The following PIEZO2 variants were observed in gnomAD, a reference collection of about 807,000 sequenced individuals.
The protein encoded by PIEZO2 is piezo-type mechanosensitive ion channel component 2.
A neutral mutation model predicts 337.3 loss-of-function variants in PIEZO2; 172 were observed. The observed-to-expected ratio is 0.51, with a 90% CI of 0.45 to 0.58. PIEZO2 has a LOEUF of 0.58. Ranked by LOEUF, PIEZO2 falls within the 20% of genes least tolerant of loss-of-function variation. The pLI, the probability that PIEZO2 is intolerant of heterozygous loss-of-function variation, is 0.00. For missense variants in PIEZO2, 3,028 were observed against 3,391.3 expected (o/e 0.89, Z 2.66); for synonymous variants, 1,251 against 1,228.5 (o/e 1.02, Z -0.38).
chr18:11,000,590 G>A (rs1303950695), intron 2 of PIEZO2, among the ~76,000 whole-genome samples: 2 of 152,080 alleles, frequency 1.3e-5, no homozygotes, highest in Non-Finnish European at 2.9e-5. Context: ...TCATGAGCAG[G>A]GCTCATTGCT....
intron 23 of PIEZO2, among the ~76,000 whole-genome samples, chr18:10,762,295 G>C (rs754767768): frequency 5.3e-5 from 8 of 152,134 alleles, no homozygotes; most frequent in Admixed American, 1.3e-4. Flanking sequence ...CTTTATTCAA[G>C]CAATCTCAGA....
intron 32 of PIEZO2, among the ~76,000 whole-genome samples, chr18:10,742,032 G>A (rs1015511232): frequency 2.0e-5 from 3 of 152,154 alleles, no homozygotes; most frequent in African/African-American, 7.2e-5. Context: ...GCGGGCACCT[G>A]TAGTCCCAGC....
intron 5 of PIEZO2, among the ~76,000 whole-genome samples, chr18:10,858,929 C>T (rs1376468324): frequency 6.6e-6 from 1 of 152,180 alleles, no homozygotes; most frequent in African/African-American, 2.4e-5. Context: ...ATCTCATGCT[C>T]AATCAATAAG....
At chr18:11,000,298 C>T (rs1188416467) in intron 2 of PIEZO2, among the ~76,000 whole-genome samples, 1 of 152,186 alleles carries the variant, frequency 6.6e-6, no homozygotes, top group Non-Finnish European at 1.5e-5. Context: ...TTTTCTATTT[C>T]CAATTTTGTA....
At chr18:10,986,163 C>T (rs774460535) in intron 2 of PIEZO2, among the ~76,000 whole-genome samples, 17 of 151,910 alleles carry the variant, frequency 1.1e-4, no homozygotes, top group African/African-American at 1.7e-4. Flanking sequence ...TATTTAAAGA[C>T]GGACTAACAG....
intron 30 of PIEZO2, 27 bp from the exon 31 acceptor site, chr18:10,744,258 A>C: frequency 1.5e-6 from 2 of 1,370,466 alleles, no homozygotes; most frequent in Non-Finnish European, 2.0e-6. Context: ...AACATGAACA[A>C]GTCAATATTC....
chr18:10,940,639 G>T lies in PIEZO2; in HGVS notation c.287-29411C>A, dbSNP rs916373681. Among the ~76,000 whole-genome samples the T allele has an allele frequency of 2.6e-5, 4 of 152,172 alleles. No individual in the cohort carries two copies. The highest frequency in any genetic ancestry group is 9.7e-5 in the African/African-American group (4 of 41,440). On this transcript the variant is annotated intron_variant, in intron 3 of 55. Transcript: ENST00000674853. This position sits in a 1 kb window ranked among gnomAD's most constrained non-coding sequence, Gnocchi z 5.3. ...AACACTTCGAGAGGCCCAGGCGGGC[G>T]GCTCACAAGGCCAAGTGATTGAGAC...
chr18:10,742,641 T>G, intron 31 of PIEZO2, 26 bp from the exon 32 acceptor site: 1 of 1,535,966 alleles, frequency 6.5e-7, no homozygotes, highest in Admixed American at 2.0e-5. Flanking sequence ...ACATTAGTAA[T>G]GCCAAGAACA....
At chr18:10,890,487 C>A (rs2042723873) in intron 4 of PIEZO2, 1 of 152,262 alleles carries the variant, frequency 6.6e-6, no homozygotes, top group South Asian at 2.1e-4. Flanking sequence ...TACAGTTCAG[C>A]ATGGCTGGGG....
chr18:10,684,223 T>G (rs1256777910), intron 49 of PIEZO2, among the ~76,000 whole-genome samples: 3 of 124,918 alleles, frequency 2.4e-5, no homozygotes, highest in Non-Finnish European at 4.8e-5. Context: ...TGGAGTGCAG[T>G]GGCGCGATCT....
At chr18:10,711,914 GATATAT>G (rs1217915827) in intron 39 of PIEZO2, among the ~76,000 whole-genome samples, 1 of 152,150 alleles carries the variant, frequency 6.6e-6, no homozygotes, top group Non-Finnish European at 1.5e-5. Context: ...GTCCATATTG[GATATAT>G]ACAGAGCAGT....
intron 2 of PIEZO2, among the ~76,000 whole-genome samples, chr18:10,986,297 G>A (rs1172714325): frequency 1.3e-5 from 2 of 151,808 alleles, no homozygotes; most frequent in Non-Finnish European, 2.9e-5. Context: ...GAAAATTACA[G>A]GCCAATATCC....
chr18:11,063,634 T>A (rs1167080808), intron 2 of PIEZO2, among the ~76,000 whole-genome samples: 1 of 152,190 alleles, frequency 6.6e-6, no homozygotes, highest in African/African-American at 2.4e-5. Context: ...CACTTCCAGT[T>A]CAGGTGGGGT....
In PIEZO2 at chr18:10,746,264, A is replaced by G. The variant is rs1568011443; in HGVS notation, c.4425-2033T>C. Among the ~76,000 whole-genome samples, 2 of 152,208 alleles carry G rather than the reference A, an allele frequency of 1.3e-5. No homozygotes were observed. The highest frequency in any genetic ancestry group is 6.5e-5 in the Admixed American group (1 of 15,286). Reference sequence around the variant, plus strand: ...CCTAAGACTGTGGGAGTATTTCTAAAGACATATCTGGGCTGATAGCCCCCT... The same window carrying G: ...CCTAAGACTGTGGGAGTATTTCTAAGGACATATCTGGGCTGATAGCCCCCT... On this transcript the variant is annotated intron_variant, in intron 30 of 55. Coordinates refer to ENST00000674853, the MANE Select transcript of PIEZO2 (RefSeq NM_001378183.1). This position sits in a 1 kb window ranked among gnomAD's most constrained non-coding sequence, Gnocchi z 4.2.
chr18:10,958,055 C>CTG (rs2033616900), intron 3 of PIEZO2, among the ~76,000 whole-genome samples: 1 of 151,434 alleles, frequency 6.6e-6, no homozygotes, highest in African/African-American at 2.5e-5. Context: ...CACTTACACT[C>CTG]TGTGTGTGGG....
In PIEZO2 at chr18:10,863,323, T is replaced by C. The variant is rs1160448369; in HGVS notation, c.493-6112A>G. ...TTTGAATGCTATTGTGTGTACCTTA[T>C]GCAAGCCTAACGTGATCGCATTTAA... On this transcript the variant is annotated intron_variant, in intron 5 of 55. Coordinates refer to ENST00000674853, the MANE Select transcript of PIEZO2 (RefSeq NM_001378183.1). This position sits in a 1 kb window ranked among gnomAD's most constrained non-coding sequence, Gnocchi z 4.3. 1.3e-5 allele frequency among the ~76,000 whole-genome samples: 2 copies of C among 152,254 alleles called. No homozygotes were observed. Among genetic ancestry groups the C allele is most frequent in the African/African-American group, 4.8e-5 (2 of 41,480 alleles).
rs2036317037 is a variant in PIEZO2 at position 11,021,651 on chromosome 18, C to T, written c.161-41991G>A. On this transcript the variant is annotated intron_variant, in intron 2 of 55. Coordinates refer to ENST00000674853, the MANE Select transcript of PIEZO2 (RefSeq NM_001378183.1). The surrounding 1 kb of genome is among the most constrained non-coding windows in gnomAD (Gnocchi z 4.7). ...GAGTCTCACGGATCTGGTGATCCAGCACACAGCTCGTGCTGTAACTGCACT... is the reference window on the plus strand; with the variant it reads ...GAGTCTCACGGATCTGGTGATCCAGTACACAGCTCGTGCTGTAACTGCACT... 6.6e-6 allele frequency among the ~76,000 whole-genome samples: 1 copy of T among 152,210 alleles called. No homozygotes were observed. Among genetic ancestry groups the T allele is most frequent in the Admixed American group, 6.5e-5 (1 of 15,290 alleles).
intron 42 of PIEZO2, among the ~76,000 whole-genome samples, chr18:10,704,041 C>T (rs908632553): frequency 2.0e-5 from 3 of 152,310 alleles, no homozygotes; most frequent in African/African-American, 7.2e-5. Flanking sequence ...TGATTAATAT[C>T]GTAGGTTAGG....
rs1314174188 is a variant in PIEZO2, at chr18:11,035,749, C to T, written c.160+30378G>A. Among the ~76,000 whole-genome samples, 1 of 152,186 alleles carries T rather than the reference C, an allele frequency of 6.6e-6. No individual in the cohort carries two copies. The highest frequency in any genetic ancestry group is 2.4e-5 in the African/African-American group (1 of 41,450). ...AAATTATTATTCCACAAAACTACCTCTGGGAAGATGAGCTAAACAGGTGCA... is the reference window on the plus strand; with the variant it reads ...AAATTATTATTCCACAAAACTACCTTTGGGAAGATGAGCTAAACAGGTGCA... On this transcript the variant is annotated intron_variant, in intron 2 of 55. Transcript: ENST00000674853. This position sits in a 1 kb window ranked among gnomAD's most constrained non-coding sequence, Gnocchi z 4.3.
Sources: allele counts gnomAD v4.1 joint callset (sites outside exome capture counted in the v4.1 genomes callset), GRCh38; gene constraint gnomAD v4.1.1; non-coding constraint Gnocchi (gnomAD v3.1); transcripts MANE v1.5; gene names NCBI Gene and HGNC (gene_info 2026-07-23, HGNC 2026-07-21).